Variants in PTGFR observed in about 807,000 individuals in gnomAD.
The protein encoded by PTGFR is prostaglandin F2-alpha receptor.
A neutral mutation model predicts 26.2 loss-of-function variants in PTGFR; 15 were observed. The observed-to-expected ratio is 0.57, with a 90% confidence interval of 0.38 to 0.88. The LOEUF is 0.88. Among genes scored for constraint, PTGFR ranks in the 40% least tolerant of loss-of-function variants. The probability of loss-of-function intolerance (pLI) is 0.00; values close to 1 mark genes in which losing one functional copy is unlikely to be tolerated. For missense variants in PTGFR, 369 were observed against 427.2 expected (o/e 0.86, Z 1.20); for synonymous variants, 165 against 151.1 (o/e 1.09, Z -0.68).
chr1:78,533,280 T>C (rs1650566349), intron 2 of PTGFR, among the ~76,000 whole-genome samples: 1 of 152,176 alleles, frequency 6.6e-6, no homozygotes, highest in Non-Finnish European at 1.5e-5. Flanking sequence ...TAACAGAAAA[T>C]ATTCTACAAC....
intron 2 of PTGFR, among the ~76,000 whole-genome samples, chr1:78,532,534 G>GTA (rs1465712829): frequency 1.4e-5 from 2 of 147,690 alleles, no homozygotes; most frequent in Non-Finnish European, 3.0e-5. Flanking sequence ...ATTTGTGTGT[G>GTA]TATATATGTG....
At chr1:78,524,349 G>A (rs1452753346) in intron 2 of PTGFR, among the ~76,000 whole-genome samples, 1 of 151,994 alleles carries the variant, frequency 6.6e-6, no homozygotes. Flanking sequence ...TTATCTAGAG[G>A]ATTACTGGAC....
chr1:78,523,208 T>C (rs185958575), intron 2 of PTGFR, among the ~76,000 whole-genome samples: 20 of 152,206 alleles, frequency 1.3e-4, no homozygotes, highest in Non-Finnish European at 2.1e-4. Context: ...ACTATTTTTA[T>C]TTGATTCCTT....
chr1:78,513,996 T>A (rs1370176504), intron 2 of PTGFR, among the ~76,000 whole-genome samples: 6 of 152,318 alleles, frequency 3.9e-5, no homozygotes, highest in Middle Eastern at 3.4e-3. Context: ...TTAGAGGATG[T>A]AAGGGGACGG....
chr1:78,512,666 C>G (rs1650001637), intron 2 of PTGFR, among the ~76,000 whole-genome samples: 1 of 152,158 alleles, frequency 6.6e-6, no homozygotes, highest in Admixed American at 6.5e-5. Flanking sequence ...CAGCCCCTAC[C>G]CCCAACATTG....
chr1:78,530,168 G>A (rs937212324), intron 2 of PTGFR, among the ~76,000 whole-genome samples: 3 of 152,146 alleles, frequency 2.0e-5, no homozygotes, highest in Non-Finnish European at 2.9e-5. Context: ...ATCACTATTA[G>A]TGAATCTATT....
Position 78,492,683 on chromosome 1 carries a change from G to C in PTGFR, c.-61G>C. The C allele has an allele frequency of 6.8e-7, 1 of 1,473,756 alleles. No individual in the cohort carries two copies. The highest frequency in any genetic ancestry group is 9.2e-7 in the Non-Finnish European group (1 of 1,083,034). The allele number at this position is 1,473,756 out of a possible 1,614,324, so 91.3% of individuals were successfully genotyped here. ...CCTTTATCCTACAGATGTCTGGACT[G>C]CAATCCTGCACAGTTTTGAGAGGGA... On this transcript the variant is annotated 5_prime_UTR_variant, in exon 2 of 3. Coordinates refer to ENST00000370757, the MANE Select transcript of PTGFR (RefSeq NM_000959.4).
intron 2 of PTGFR, among the ~76,000 whole-genome samples, chr1:78,521,518 A>G (rs1420112341): frequency 1.3e-5 from 2 of 152,040 alleles, no homozygotes; most frequent in African/African-American, 4.8e-5. Context: ...TAATTGTTTT[A>G]TTTTATTCTA....
In PTGFR at chr1:78,536,735, T is replaced by A. The variant is rs779034986; in HGVS notation, c.*48T>A. On this transcript the variant is annotated 3_prime_UTR_variant, in exon 3 of 3. Coordinates refer to ENST00000370757, the MANE Select transcript of PTGFR (RefSeq NM_000959.4). The stretch of plus-strand genomic sequence containing the variant: ...GTGGGGCTAGAACAAAATTAAGACA[T>A]GTTTGGCAATATTTCAGTTAGTTAA... 9 of 1,544,894 alleles carry A rather than the reference T, an allele frequency of 5.8e-6. No homozygotes were observed. In the African/African-American group the frequency reaches 9.7e-5, roughly 17 times the overall value.
intron 2 of PTGFR, among the ~76,000 whole-genome samples, chr1:78,523,587 A>C (rs1195022018): frequency 2.2e-5 from 3 of 138,508 alleles, no homozygotes; most frequent in East Asian, 2.2e-4. Context: ...AGTCTGGCAC[A>C]GGTAGGGTGG....
At chr1:78,526,115 G>A (rs933926447) in intron 2 of PTGFR, among the ~76,000 whole-genome samples, 1 of 151,996 alleles carries the variant, frequency 6.6e-6, no homozygotes, top group Non-Finnish European at 1.5e-5. Context: ...GTGAAAAAAA[G>A]GTCCTGCCCA....
chr1:78,511,953 CTAGG>C (rs756194573), intron 2 of PTGFR, among the ~76,000 whole-genome samples: 97 of 152,282 alleles, frequency 6.4e-4, no homozygotes, highest in South Asian at 1.5e-3. Context: ...CCACAGATCC[CTAGG>C]ACATGAATAC....
At chr1:78,520,347 G>A (rs1052919902) in intron 2 of PTGFR, among the ~76,000 whole-genome samples, 3 of 151,764 alleles carry the variant, frequency 2.0e-5, no homozygotes, top group Non-Finnish European at 2.9e-5. Flanking sequence ...TTTTATTTGC[G>A]AAACCTCTTA....
chr1:78,516,864 G>C (rs1231427532), intron 2 of PTGFR, among the ~76,000 whole-genome samples: 1 of 152,116 alleles, frequency 6.6e-6, no homozygotes, highest in African/African-American at 2.4e-5. Context: ...CAGTCATCAG[G>C]CTTTGATTAA....
intron 1 of PTGFR, among the ~76,000 whole-genome samples, chr1:78,491,448 T>C (rs774397873): frequency 2.0e-5 from 3 of 151,954 alleles, no homozygotes; most frequent in Non-Finnish European, 2.9e-5. Flanking sequence ...CTGCGGGGGA[T>C]TGGGTAGAAA....
chr1:78,496,772 C>A (rs182886140), intron 2 of PTGFR, among the ~76,000 whole-genome samples: 1 of 152,096 alleles, frequency 6.6e-6, no homozygotes, highest in East Asian at 1.9e-4. Context: ...GTAAAATGAT[C>A]ATAATGTTTG....
intron 2 of PTGFR, among the ~76,000 whole-genome samples, chr1:78,495,908 ACTTTCT>A (rs1315254237): frequency 1.3e-5 from 2 of 152,226 alleles, no homozygotes; most frequent in African/African-American, 4.8e-5. Flanking sequence ...TCTGAGGTCC[ACTTTCT>A]CTTTAACTAT....
At chr1:78,497,401 G>A (rs1015629740) in intron 2 of PTGFR, among the ~76,000 whole-genome samples, 5 of 152,138 alleles carry the variant, frequency 3.3e-5, no homozygotes, top group African/African-American at 9.6e-5. Flanking sequence ...ATTGTCTCGC[G>A]TTCTTCCTAG....
chr1:78,529,163 CATA>C (rs1485391387), intron 2 of PTGFR, among the ~76,000 whole-genome samples: 7 of 152,064 alleles, frequency 4.6e-5, no homozygotes, highest in Non-Finnish European at 1.5e-5. Context: ...CTGGAAAAAA[CATA>C]ATGTGTTATA....
Sources: allele counts gnomAD v4.1 joint callset (sites outside exome capture counted in the v4.1 genomes callset), GRCh38; gene constraint gnomAD v4.1.1; transcripts MANE v1.5; gene names NCBI Gene and HGNC (gene_info 2026-07-23, HGNC 2026-07-21).